Variants in PTPRG observed in about 807,000 individuals in gnomAD.
PTPRG encodes protein tyrosine phosphatase receptor type G.
PTPRG carries 102 observed loss-of-function variants against 165.3 expected under a neutral mutation model. The ratio of observed to expected loss-of-function variants is 0.62; its 90% confidence interval spans 0.53 to 0.73. PTPRG has a LOEUF of 0.73. PTPRG is among the 30% of genes least tolerant of loss of function. PTPRG has a pLI of 0.00. For missense variants in PTPRG, 1,866 were observed against 1,861.4 expected (o/e 1.00, Z -0.05); for synonymous variants, 675 against 669.5 (o/e 1.01, Z -0.13).
At chr3:62,134,368 C>T (rs1255113083) in intron 6 of PTPRG, among the ~76,000 whole-genome samples, 1 of 152,206 alleles carries the variant, frequency 6.6e-6, no homozygotes, top group African/African-American at 2.4e-5. Flanking sequence ...CTGATTAAGA[C>T]ACACACAGGC....
At chr3:61,806,468 G>C (rs148543130) in intron 2 of PTPRG, among the ~76,000 whole-genome samples, 231 of 152,258 alleles carry the variant, frequency 1.5e-3, no homozygotes, top group Middle Eastern at 6.8e-3. Context: ...CGGGTCTGTG[G>C]CTCATTTTAG....
At chr3:61,867,367 T>A (rs923627351) in intron 2 of PTPRG, among the ~76,000 whole-genome samples, 1 of 152,138 alleles carries the variant, frequency 6.6e-6, no homozygotes, top group African/African-American at 2.4e-5. Flanking sequence ...AGGTACCCGC[T>A]GGGTAACTGG....
intron 1 of PTPRG, among the ~76,000 whole-genome samples, chr3:61,661,310 T>A (rs540371292): frequency 1.1e-5 from 1 of 93,730 alleles, no homozygotes; most frequent in Non-Finnish European, 2.0e-5. Context: ...ACTATTTTTA[T>A]AAAAGTTTCC....
intron 2 of PTPRG, among the ~76,000 whole-genome samples, chr3:61,875,269 T>A (rs79345973): frequency 4.2e-3 from 638 of 152,254 alleles, no homozygotes; most frequent in African/African-American, 0.014. Flanking sequence ...AACTGACACT[T>A]GAGGAGGTAT....
chr3:61,971,743 C>T (rs1474887411), intron 2 of PTPRG, among the ~76,000 whole-genome samples: 2 of 152,214 alleles, frequency 1.3e-5, no homozygotes, highest in Non-Finnish European at 2.9e-5. Flanking sequence ...GATGGTCGTA[C>T]AACTCTGTAA....
At chr3:61,804,538 G>T (rs1315649284) in intron 2 of PTPRG, among the ~76,000 whole-genome samples, 2 of 152,160 alleles carry the variant, frequency 1.3e-5, no homozygotes, top group Non-Finnish European at 2.9e-5. Flanking sequence ...GTATGAAAGG[G>T]TTAACATAGA....
chr3:61,846,906 C>A (rs1489054938), intron 2 of PTPRG, among the ~76,000 whole-genome samples: 1 of 149,582 alleles, frequency 6.7e-6, no homozygotes, highest in East Asian at 1.9e-4. Context: ...CAGAGCTAGA[C>A]CCTGTCTCAA....
intron 1 of PTPRG, among the ~76,000 whole-genome samples, chr3:61,652,206 G>T (rs918620273): frequency 6.6e-6 from 1 of 152,092 alleles, no homozygotes; most frequent in Non-Finnish European, 1.5e-5. Context: ...TACTTGAGAG[G>T]CTGAGGCAGA....
At chr3:62,083,673 C>G (rs985078361) in intron 5 of PTPRG, among the ~76,000 whole-genome samples, 1 of 152,146 alleles carries the variant, frequency 6.6e-6, no homozygotes, top group African/African-American at 2.4e-5. Context: ...CTTACAATGA[C>G]CTTATCTTTA....
At chr3:61,647,499 G>A (rs960633885) in intron 1 of PTPRG, among the ~76,000 whole-genome samples, 3 of 152,148 alleles carry the variant, frequency 2.0e-5, no homozygotes, top group African/African-American at 7.2e-5. Flanking sequence ...CTCATTAAAA[G>A]TTATCAATTG....
intron 2 of PTPRG, among the ~76,000 whole-genome samples, chr3:61,964,159 T>G (rs911471136): frequency 2.6e-5 from 4 of 152,240 alleles, no homozygotes; most frequent in African/African-American, 9.6e-5. Context: ...GTTAATGTGT[T>G]ATCTTTTCAG....
intron 1 of PTPRG, among the ~76,000 whole-genome samples, chr3:61,614,346 A>T (rs1277747074): frequency 6.6e-6 from 1 of 151,986 alleles, no homozygotes; most frequent in East Asian, 1.9e-4. Context: ...TGAGTGAGTT[A>T]CTAAAACCTT....
chr3:61,983,953 G>C (rs188061781), intron 2 of PTPRG, among the ~76,000 whole-genome samples: 1 of 152,008 alleles, frequency 6.6e-6, no homozygotes, highest in South Asian at 2.1e-4. Context: ...TATATGTGTC[G>C]ACCAAGTTCT....
At chr3:61,570,021 C>T (rs759078215) in intron 1 of PTPRG, among the ~76,000 whole-genome samples, 13 of 152,132 alleles carry the variant, frequency 8.5e-5, no homozygotes, top group Non-Finnish European at 1.5e-4. Context: ...GATGTTAATT[C>T]CTCTTCTCAG....
chr3:62,286,402 T>TAA lies in PTPRG; in HGVS notation c.4055+3533_4055+3534insAA, dbSNP rs1702661441. Among the ~76,000 whole-genome samples, 5 of 152,226 alleles carry TAA rather than the reference T, an allele frequency of 3.3e-5. No individual in the cohort carries two copies. The South Asian group carries it at 1.0e-3, about 32-fold the overall frequency. ...TTCTTCACAGTGTCAGGGTTATAAC[T>TAA]CTGGATAGCAATCTTGGTTATGATT... is the stretch of plus-strand genomic sequence containing the variant. On this transcript the variant is annotated intron_variant, in intron 28 of 29. Transcript: ENST00000474889.
chr3:61,976,833 G>A (rs577211444), intron 2 of PTPRG, among the ~76,000 whole-genome samples: 1 of 152,012 alleles, frequency 6.6e-6, no homozygotes, highest in South Asian at 2.1e-4. Flanking sequence ...CCACCATCAT[G>A]CCTGGCTAAT....
chr3:62,199,280 G>A (rs1352751027), intron 10 of PTPRG, among the ~76,000 whole-genome samples: 1 of 152,084 alleles, frequency 6.6e-6, no homozygotes, highest in Non-Finnish European at 1.5e-5. Context: ...TTTGACCTGG[G>A]ACCTACACAC....
chr3:61,983,996 T>A (rs544845200), intron 2 of PTPRG, among the ~76,000 whole-genome samples: 25 of 152,318 alleles, frequency 1.6e-4, no homozygotes, highest in Non-Finnish European at 3.1e-4. Context: ...AAACTGAGTA[T>A]GAAGTGAAGT....
At position 61,562,283 on chromosome 3, in the gene PTPRG, C is replaced by T. The variant is rs763624121; in HGVS notation, c.-5C>T. ...CTTTCCTCTTTTCGATGTGCGTTTTCGGACATGCGGAGGTTACTGGAACCG... is the reference window on the plus strand; with the variant it reads ...CTTTCCTCTTTTCGATGTGCGTTTTTGGACATGCGGAGGTTACTGGAACCG... On this transcript the variant is annotated 5_prime_UTR_variant, in exon 1 of 30. Transcript: ENST00000474889. 2 of 1,613,246 alleles carry T rather than the reference C, an allele frequency of 1.2e-6. No homozygotes were observed. The highest frequency in any genetic ancestry group is 1.1e-5 in the South Asian group (1 of 91,080).
Sources: allele counts gnomAD v4.1 joint callset (sites outside exome capture counted in the v4.1 genomes callset), GRCh38; gene constraint gnomAD v4.1.1; transcripts MANE v1.5; gene names NCBI Gene and HGNC (gene_info 2026-07-23, HGNC 2026-07-21).